RBMS1: variants seen among roughly 807,000 people sequenced by gnomAD.
The protein encoded by RBMS1 is RNA-binding motif, single-stranded-interacting protein 1.
RBMS1 carries 17 observed loss-of-function variants against 62.3 expected under a neutral mutation model. The observed-to-expected ratio is 0.27, with a 90% CI of 0.19 to 0.41. The LOEUF (loss-of-function observed/expected upper bound fraction) is 0.41. RBMS1 is among the 10% of genes least tolerant of loss of function. The probability of loss-of-function intolerance (pLI) is 1.00; values close to 1 mark genes in which losing one functional copy is unlikely to be tolerated. For synonymous variants in RBMS1, 172 were observed against 170.0 expected, an observed-to-expected ratio of 1.01 and a Z score of -0.09; for missense variants, 334 against 504.5, an observed-to-expected ratio of 0.66 and a Z score of 3.24.
At chr2:160,390,170 C>T (rs563407629) in intron 1 of RBMS1, among the ~76,000 whole-genome samples, 1 of 152,158 alleles carries the variant, frequency 6.6e-6, no homozygotes, top group Non-Finnish European at 1.5e-5. Flanking sequence ...CACTTACACA[C>T]CCCAAGTGAG....
intron 1 of RBMS1, among the ~76,000 whole-genome samples, chr2:160,388,657 T>C (rs1251093542): frequency 3.3e-5 from 5 of 152,112 alleles, no homozygotes; most frequent in African/African-American, 1.2e-4. Context: ...GGAAAAGGCG[T>C]CTCCTGGTTC....
intron 1 of RBMS1, among the ~76,000 whole-genome samples, chr2:160,440,114 T>C (rs1683350867): frequency 1.3e-5 from 1 of 74,962 alleles, no homozygotes; most frequent in African/African-American, 4.4e-5. Context: ...GGAGAGGGCT[T>C]TTTTCTTTTT....
At chr2:160,317,141 C>A (rs1484544027) in intron 3 of RBMS1, among the ~76,000 whole-genome samples, 1 of 152,130 alleles carries the variant, frequency 6.6e-6, no homozygotes, top group African/African-American at 2.4e-5. Context: ...TACAATAGCT[C>A]CTTTAAATTT....
chr2:160,339,306 T>C (rs1475431838), intron 2 of RBMS1, among the ~76,000 whole-genome samples: 1 of 152,196 alleles, frequency 6.6e-6, no homozygotes, highest in African/African-American at 2.4e-5. Flanking sequence ...TCAGCACAAA[T>C]TCTAAATTGA....
intron 1 of RBMS1, among the ~76,000 whole-genome samples, chr2:160,472,400 T>C (rs1433276427): frequency 2.0e-5 from 3 of 152,208 alleles, no homozygotes; most frequent in African/African-American, 7.2e-5. Context: ...TTGTGTGTCA[T>C]TCCCTTTTAC....
intron 1 of RBMS1, among the ~76,000 whole-genome samples, chr2:160,453,913 T>C (rs994123701): frequency 2.0e-5 from 3 of 152,234 alleles, no homozygotes; most frequent in Non-Finnish European, 4.4e-5. Context: ...TAAGAGTGGC[T>C]TTCCAGCCTT....
intron 2 of RBMS1, among the ~76,000 whole-genome samples, chr2:160,359,981 G>T (rs1016143174): frequency 2.6e-5 from 4 of 152,092 alleles, no homozygotes; most frequent in Admixed American, 2.6e-4. Context: ...CAGCTACTTG[G>T]GAGGCTGAGG....
intron 1 of RBMS1, among the ~76,000 whole-genome samples, chr2:160,473,506 G>C (rs771362657): frequency 6.6e-6 from 1 of 152,132 alleles, no homozygotes; most frequent in Non-Finnish European, 1.5e-5. Flanking sequence ...GATTAAGGAG[G>C]AAGGAAAGGC....
chr2:160,319,243 G>A (rs1453782949), intron 2 of RBMS1, among the ~76,000 whole-genome samples: 2 of 152,192 alleles, frequency 1.3e-5, no homozygotes, highest in Non-Finnish European at 1.5e-5. Context: ...TGGGCACGGT[G>A]GCTCACACCT....
intron 1 of RBMS1, among the ~76,000 whole-genome samples, chr2:160,438,959 G>T (rs1348682240): frequency 6.8e-6 from 1 of 147,138 alleles, no homozygotes; most frequent in Non-Finnish European, 1.5e-5. Flanking sequence ...TCCCAGTAGG[G>T]GCGGCCGGGC....
chr2:160,466,264 C>A (rs1426492396), intron 1 of RBMS1, among the ~76,000 whole-genome samples: 4 of 152,010 alleles, frequency 2.6e-5, no homozygotes, highest in African/African-American at 4.8e-5. Flanking sequence ...TAAAATCATT[C>A]TTTTATGGCA....
intron 6 of RBMS1, among the ~76,000 whole-genome samples, chr2:160,288,637 C>G (rs146178755): frequency 2.6e-5 from 4 of 152,218 alleles, no homozygotes; most frequent in African/African-American, 9.6e-5. Context: ...TATCAGCAAG[C>G]CTTGGCCCAG....
intron 2 of RBMS1, among the ~76,000 whole-genome samples, chr2:160,330,725 GAC>G (rs1424746305): frequency 6.6e-6 from 1 of 150,818 alleles, no homozygotes; most frequent in Non-Finnish European, 1.5e-5. Flanking sequence ...ATCATAGAAA[GAC>G]ACTATGCTCT....
chr2:160,324,100 C>T (rs1044463949), intron 2 of RBMS1, among the ~76,000 whole-genome samples: 3 of 152,182 alleles, frequency 2.0e-5, no homozygotes, highest in African/African-American at 7.2e-5. Context: ...AAAAGAAACA[C>T]AAGCTTATTG....
intron 1 of RBMS1, among the ~76,000 whole-genome samples, chr2:160,409,017 G>C (rs1232397966): frequency 6.6e-6 from 1 of 152,144 alleles, no homozygotes; most frequent in Admixed American, 6.5e-5. Context: ...TGTCTAAAAA[G>C]TGAAGGCGTA....
At chr2:160,367,809 G>A (rs1693494033) in intron 1 of RBMS1, among the ~76,000 whole-genome samples, 1 of 152,086 alleles carries the variant, frequency 6.6e-6, no homozygotes, top group Admixed American at 6.5e-5. Context: ...TTATTAGGAT[G>A]ACTCTTAAAA....
intron 5 of RBMS1, among the ~76,000 whole-genome samples, chr2:160,303,072 C>A (rs550742269): frequency 1.3e-5 from 2 of 152,168 alleles, no homozygotes; most frequent in Admixed American, 1.3e-4. Context: ...GACACACACA[C>A]GTTCAGAACT....
At chr2:160,339,806 G>A (rs1174179202) in intron 2 of RBMS1, among the ~76,000 whole-genome samples, 2 of 152,090 alleles carry the variant, frequency 1.3e-5, no homozygotes, top group African/African-American at 4.8e-5. Context: ...TAAACACACA[G>A]CAACATGTTT....
At chr2:160,285,148 T>C in intron 7 of RBMS1, 104 bp from the exon 8 acceptor site, 2 of 1,118,638 alleles carry the variant, frequency 1.8e-6, no homozygotes, top group Non-Finnish European at 2.7e-6. Context: ...TCCCAGCTGC[T>C]GGGGAGGCTG....
Sources: allele counts gnomAD v4.1 joint callset (sites outside exome capture counted in the v4.1 genomes callset), GRCh38; gene constraint gnomAD v4.1.1; transcripts MANE v1.5; gene names NCBI Gene and HGNC (gene_info 2026-07-23, HGNC 2026-07-21).